ITGA2: variants seen among roughly 807,000 people sequenced by gnomAD.
ITGA2 encodes integrin subunit alpha 2.
Under a neutral mutation model 146.3 loss-of-function variants are expected in ITGA2, and 101 were observed. That is an observed-to-expected ratio of 0.69 (90% CI 0.59 to 0.81). The LOEUF (loss-of-function observed/expected upper bound fraction) is 0.81. Among genes scored for constraint, ITGA2 ranks in the 40% least tolerant of loss-of-function variants. ITGA2 has a pLI of 0.00. For missense variants in ITGA2, 1,281 were observed against 1,402.7 expected (o/e 0.91, Z 1.39); for synonymous variants, 477 against 487.1 (o/e 0.98, Z 0.27).
intron 1 of ITGA2, among the ~76,000 whole-genome samples, chr5:53,022,341 C>T (rs564460453): frequency 8.5e-5 from 13 of 152,060 alleles, no homozygotes; most frequent in Middle Eastern, 3.4e-3. Flanking sequence ...TGAGATTACA[C>T]GTGTGAGCTG....
At chr5:53,004,585 T>C (rs1263901225) in intron 1 of ITGA2, among the ~76,000 whole-genome samples, 1 of 152,140 alleles carries the variant, frequency 6.6e-6, no homozygotes, top group Non-Finnish European at 1.5e-5. Flanking sequence ...CCAGAAGCTC[T>C]TCTTTCCATT....
chr5:52,998,856 A>G (rs904814045), intron 1 of ITGA2, among the ~76,000 whole-genome samples: 4 of 152,180 alleles, frequency 2.6e-5, no homozygotes, highest in African/African-American at 9.7e-5. Context: ...TTAAAGACAC[A>G]CTTTCTGAAT....
intron 1 of ITGA2, among the ~76,000 whole-genome samples, chr5:53,012,978 T>A (rs1742215200): frequency 6.6e-6 from 1 of 152,130 alleles, no homozygotes; most frequent in Non-Finnish European, 1.5e-5. Flanking sequence ...TTGCTTAAGT[T>A]CCATACCGAT....
At chr5:53,048,172 G>A (rs527239698) in intron 4 of ITGA2, among the ~76,000 whole-genome samples, 191 bp from the exon 5 acceptor site, 1 of 152,194 alleles carries the variant, frequency 6.6e-6, no homozygotes, top group South Asian at 2.1e-4. Flanking sequence ...CTTGCCACTG[G>A]GCACAGAGCA....
In ITGA2 at chr5:53,014,814, T is replaced by C. The variant is rs191638737; in HGVS notation, c.65-11934T>C. On this transcript the variant is annotated intron_variant, in intron 1 of 29. Coordinates refer to ENST00000296585, the MANE Select transcript of ITGA2 (RefSeq NM_002203.4). ...TTATCCAGTTTCAGTTTCTTTGTGG[T>C]TCAATATTAAGAGGTTGTATGTTTC... Among the ~76,000 whole-genome samples, 19 of 152,242 alleles carry C rather than the reference T, an allele frequency of 1.2e-4. No homozygotes were observed. The East Asian group carries it at 3.7e-3, about 29-fold the overall frequency.
Position 53,092,643 on chromosome 5 carries a change from C to T in ITGA2, c.*2044C>T. On this transcript the variant is annotated 3_prime_UTR_variant, in exon 30 of 30. Transcript: ENST00000296585. Reference sequence around the variant, plus strand: ...TTTATTTAAAAAAAAAAAAAAAAGACTGGAGAAACTAGTCATTAGCTTGAT... The same window carrying T: ...TTTATTTAAAAAAAAAAAAAAAAGATTGGAGAAACTAGTCATTAGCTTGAT... The T allele has an allele frequency of 6.7e-6, 1 of 149,022 alleles. No homozygotes were observed. Among genetic ancestry groups the T allele is most frequent in the African/African-American group, 2.5e-5 (1 of 40,352 alleles). The allele number at this position is 149,022 out of a possible 1,614,324, so 9.2% of individuals were successfully genotyped here.
intron 4 of ITGA2, among the ~76,000 whole-genome samples, chr5:53,046,159 C>T (rs1561118869): frequency 3.6e-5 from 5 of 138,814 alleles, no homozygotes; most frequent in Non-Finnish European, 7.6e-5. Context: ...CGTGCCACTG[C>T]ACTCCAGCCT....
At chr5:53,064,552 T>C (rs1266509345) in intron 13 of ITGA2, among the ~76,000 whole-genome samples, 2 of 151,926 alleles carry the variant, frequency 1.3e-5, no homozygotes, top group Non-Finnish European at 2.9e-5. Context: ...TTTCTTTCAC[T>C]TTTTTAAATA....
At chr5:53,048,532 G>C in intron 5 of ITGA2, 55 bp downstream of exon 5, 1 of 1,606,674 alleles carries the variant, frequency 6.2e-7, no homozygotes. Context: ...AAAGGAGGGG[G>C]AAAAGGTTAT....
intron 4 of ITGA2, 29 bp downstream of exon 4, chr5:53,045,121 C>G: frequency 6.6e-7 from 1 of 1,521,774 alleles, no homozygotes; most frequent in South Asian, 1.1e-5. Flanking sequence ...AATCATTATT[C>G]CTCTCAAGAA....
intron 8 of ITGA2, 40 bp from the exon 9 acceptor site, chr5:53,055,944 C>T (rs1579862475): frequency 1.3e-6 from 2 of 1,571,006 alleles, no homozygotes; most frequent in African/African-American, 1.4e-5. Context: ...GGAAAATGTA[C>T]AGCAGTAATG....
At chr5:53,033,577 A>G (rs577337921) in intron 2 of ITGA2, among the ~76,000 whole-genome samples, 91 of 151,856 alleles carry the variant, frequency 6.0e-4, no homozygotes, top group Non-Finnish European at 1.2e-3. Flanking sequence ...GTTTGCTTAT[A>G]TCTTATTTAA....
intron 2 of ITGA2, among the ~76,000 whole-genome samples, chr5:53,029,194 C>T (rs1743103867): frequency 1.3e-5 from 2 of 152,134 alleles, no homozygotes; most frequent in African/African-American, 4.8e-5. Context: ...ATCGCTTGAA[C>T]CTGGGAGGCA....
chr5:53,056,255 A>G, intron 9 of ITGA2, 106 bp downstream of exon 9: 1 of 909,290 alleles, frequency 1.1e-6, no homozygotes, highest in Non-Finnish European at 1.7e-6. Context: ...CATGTATAAA[A>G]AGAGCTACTA....
At chr5:53,023,844 G>A (rs933381210) in intron 1 of ITGA2, among the ~76,000 whole-genome samples, 15 of 152,166 alleles carry the variant, frequency 9.9e-5, no homozygotes, top group Non-Finnish European at 1.9e-4. Context: ...GATATCATAT[G>A]CCAAGTGTGA....
intron 11 of ITGA2, among the ~76,000 whole-genome samples, chr5:53,060,567 T>C (rs1039708758): frequency 2.6e-5 from 4 of 151,954 alleles, no homozygotes; most frequent in Non-Finnish European, 4.4e-5. Context: ...TTCTTTCTAC[T>C]GTGCAACACT....
intron 27 of ITGA2, 140 bp downstream of exon 27, chr5:53,083,593 A>G (rs1746024377): frequency 1.4e-6 from 1 of 697,362 alleles, no homozygotes; most frequent in African/African-American, 1.8e-5. Context: ...TTTACCCTGA[A>G]AGGCAGCACA....
intron 16 of ITGA2, among the ~76,000 whole-genome samples, chr5:53,069,077 A>T (rs1465079135): frequency 2.0e-5 from 3 of 151,876 alleles, no homozygotes; most frequent in Non-Finnish European, 4.4e-5. Context: ...TTTCAAGGTA[A>T]CATGTAGAAT....
chr5:52,994,335 A>T (rs962972472), intron 1 of ITGA2, among the ~76,000 whole-genome samples: 1 of 152,154 alleles, frequency 6.6e-6, no homozygotes, highest in Non-Finnish European at 1.5e-5. Context: ...CTTCCTTTCT[A>T]GCAGAAGTCC....
Sources: gnomAD v4.1 joint callset for allele counts (sites outside exome capture counted in the v4.1 genomes callset) on GRCh38, gnomAD v4.1.1 for gene constraint, MANE v1.5 for transcripts, NCBI Gene and HGNC (gene_info 2026-07-23, HGNC 2026-07-21) for gene names.